The following SH3GL2 variants were observed in gnomAD, a reference collection of about 807,000 sequenced individuals.
The protein encoded by SH3GL2 is endophilin-A1.
A neutral mutation model predicts 46.0 loss-of-function variants in SH3GL2; 24 were observed. The observed-to-expected ratio is 0.52, with a 90% CI of 0.38 to 0.73. The LOEUF (loss-of-function observed/expected upper bound fraction) is 0.73, where lower values mean the gene tolerates loss of function less well. SH3GL2 is among the 30% of genes least tolerant of loss of function. The probability of loss-of-function intolerance (pLI) is 0.00; values close to 1 mark genes in which losing one functional copy is unlikely to be tolerated. For synonymous variants in SH3GL2, 196 were observed against 147.1 expected (o/e 1.33, Z -2.40); for missense variants, 413 against 424.2 (o/e 0.97, Z 0.23).
At chr9:17,602,501 T>A (rs1388412575) in intron 1 of SH3GL2, among the ~76,000 whole-genome samples, 1 of 152,176 alleles carries the variant, frequency 6.6e-6, no homozygotes, top group African/African-American at 2.4e-5. Flanking sequence ...CACCCCCATC[T>A]CCAGGAGATT....
chr9:17,742,953 A>G (rs1470458502), intron 1 of SH3GL2, among the ~76,000 whole-genome samples: 1 of 152,202 alleles, frequency 6.6e-6, no homozygotes, highest in African/African-American at 2.4e-5. Context: ...CAAATGGCAA[A>G]TATGTTAGTC....
intron 2 of SH3GL2, among the ~76,000 whole-genome samples, chr9:17,752,532 C>G (rs1307406869): frequency 6.6e-6 from 1 of 152,062 alleles, no homozygotes; most frequent in East Asian, 1.9e-4. Flanking sequence ...AGGTCTCACT[C>G]TATTGTCCAG....
intron 1 of SH3GL2, among the ~76,000 whole-genome samples, chr9:17,692,165 G>A (rs1041530976): frequency 6.6e-6 from 1 of 152,022 alleles, no homozygotes; most frequent in Non-Finnish European, 1.5e-5. Context: ...ATATGCAGAT[G>A]TTAAAAAAGT....
At chr9:17,743,847 A>G (rs1032629397) in intron 1 of SH3GL2, among the ~76,000 whole-genome samples, 2 of 152,250 alleles carry the variant, frequency 1.3e-5, no homozygotes, top group Non-Finnish European at 2.9e-5. Flanking sequence ...TTTATTCACT[A>G]GAGTTGGTCA....
chr9:17,795,399 CAAG>C (rs1050931810), intron 8 of SH3GL2, 142 bp from the exon 9 acceptor site: 12 of 636,994 alleles, frequency 1.9e-5, no homozygotes, highest in South Asian at 3.8e-5. Flanking sequence ...GGTCCAGTAG[CAAG>C]AAGAAGCTTC....
At chr9:17,673,960 G>T (rs917245816) in intron 1 of SH3GL2, among the ~76,000 whole-genome samples, 1 of 152,122 alleles carries the variant, frequency 6.6e-6, no homozygotes, top group East Asian at 1.9e-4. Context: ...CCACTTTATT[G>T]AATTCATCTT....
At chr9:17,734,040 C>G (rs116936480) in intron 1 of SH3GL2, among the ~76,000 whole-genome samples, 1,552 of 151,976 alleles carry the variant, frequency 0.01, 16 homozygotes, top group Middle Eastern at 0.024. Context: ...AATATAGGTC[C>G]CTTCTAGAAA....
At chr9:17,676,812 G>A (rs960481630) in intron 1 of SH3GL2, among the ~76,000 whole-genome samples, 1 of 152,126 alleles carries the variant, frequency 6.6e-6, no homozygotes, top group Admixed American at 6.5e-5. Context: ...CATAACAGAT[G>A]CTTCTCCATC....
At chr9:17,758,152 C>T (rs1823054745) in intron 2 of SH3GL2, among the ~76,000 whole-genome samples, 2 of 152,138 alleles carry the variant, frequency 1.3e-5, no homozygotes, top group South Asian at 2.1e-4. Flanking sequence ...TTAAAGAGCT[C>T]CTTTCCCTTC....
chr9:17,790,153 AAG>A (rs1299419259), intron 6 of SH3GL2, among the ~76,000 whole-genome samples: 2 of 152,262 alleles, frequency 1.3e-5, no homozygotes, highest in East Asian at 1.9e-4. Context: ...CCTTCGCTAG[AAG>A]AGAGAGAGAA....
chr9:17,738,571 TATATAGAG>T (rs1563833760), intron 1 of SH3GL2, among the ~76,000 whole-genome samples: 14 of 67,086 alleles, frequency 2.1e-4, no homozygotes, highest in Non-Finnish European at 3.7e-4. Flanking sequence ...CATACATATA[TATATAGAG>T]AGAGAGAGAG....
At chr9:17,663,923 G>T (rs993635452) in intron 1 of SH3GL2, among the ~76,000 whole-genome samples, 1 of 152,054 alleles carries the variant, frequency 6.6e-6, no homozygotes, top group Non-Finnish European at 1.5e-5. Context: ...TTTTGTTATG[G>T]AGAGAGACAC....
chr9:17,715,848 C>T (rs969814751), intron 1 of SH3GL2, among the ~76,000 whole-genome samples: 1 of 151,996 alleles, frequency 6.6e-6, no homozygotes, highest in Non-Finnish European at 1.5e-5. Context: ...TTACATTAGC[C>T]TGTAGATGAG....
intron 1 of SH3GL2, among the ~76,000 whole-genome samples, chr9:17,738,545 A>ATATACATACATATATACATATATACATAT (rs1563833701): frequency 6.5e-5 from 7 of 107,288 alleles, no homozygotes; most frequent in East Asian, 2.5e-4. Context: ...TATATACATA[A>ATATACATACATATATACATATATACATAT]GTGTGTGTGT....
At chr9:17,606,414 A>G (rs1350150790) in intron 1 of SH3GL2, among the ~76,000 whole-genome samples, 2 of 152,136 alleles carry the variant, frequency 1.3e-5, no homozygotes, top group Non-Finnish European at 2.9e-5. Context: ...CCCAAGGCCA[A>G]TTAAACCAGA....
At chr9:17,624,026 C>A (rs577429728) in intron 1 of SH3GL2, among the ~76,000 whole-genome samples, 2 of 152,154 alleles carry the variant, frequency 1.3e-5, no homozygotes, top group Admixed American at 1.3e-4. Flanking sequence ...TTCATTCGTT[C>A]GTTTCTTTTA....
At chr9:17,749,623 A>G (rs887926194) in intron 2 of SH3GL2, among the ~76,000 whole-genome samples, 2 of 152,370 alleles carry the variant, frequency 1.3e-5, no homozygotes, top group East Asian at 1.9e-4. Flanking sequence ...CTCACTGTCT[A>G]AAGTGAGACA....
chr9:17,643,547 C>T (rs1819735780), intron 1 of SH3GL2, among the ~76,000 whole-genome samples: 1 of 152,076 alleles, frequency 6.6e-6, no homozygotes, highest in African/African-American at 2.4e-5. Flanking sequence ...AGATATGTTC[C>T]ATCAATACCG....
At chr9:17,755,586 G>A (rs1433672303) in intron 2 of SH3GL2, among the ~76,000 whole-genome samples, 1 of 152,132 alleles carries the variant, frequency 6.6e-6, no homozygotes, top group Non-Finnish European at 1.5e-5. Context: ...ACAGACATGG[G>A]CCACCATGAC....
Sources: allele counts gnomAD v4.1 joint callset (sites outside exome capture counted in the v4.1 genomes callset), GRCh38; gene constraint gnomAD v4.1.1; transcripts MANE v1.5; gene names NCBI Gene and HGNC (gene_info 2026-07-23, HGNC 2026-07-21).